The following CFAP299 variants were observed in gnomAD, a reference collection of about 807,000 sequenced individuals.
CFAP299 encodes cilia and flagella associated protein 299, also known as cilia- and flagella-associated protein 299.
Under a neutral mutation model 27.0 loss-of-function variants are expected in CFAP299, and 21 were observed. The ratio of observed to expected loss-of-function variants is 0.78; its 90% CI spans 0.55 to 1.12. The LOEUF is 1.12. Ranked by LOEUF, CFAP299 falls within the 50% of genes most tolerant of loss-of-function variation. The probability of loss-of-function intolerance (pLI) is 0.00; values close to 1 mark genes in which losing one functional copy is unlikely to be tolerated. For missense variants in CFAP299, 310 were observed against 276.6 expected, an observed-to-expected ratio of 1.12 and a Z score of -0.86; for synonymous variants, 104 against 98.1, an observed-to-expected ratio of 1.06 and a Z score of -0.36.
At chr4:80,609,632 A>G (rs1737861335) in intron 3 of CFAP299, among the ~76,000 whole-genome samples, 1 of 152,004 alleles carries the variant, frequency 6.6e-6, no homozygotes, top group South Asian at 2.1e-4. Context: ...TAATAATGGA[A>G]CATATGATTT....
chr4:80,924,527 T>C (rs1378239677), intron 4 of CFAP299, among the ~76,000 whole-genome samples: 3 of 140,324 alleles, frequency 2.1e-5, no homozygotes, highest in African/African-American at 8.4e-5. Flanking sequence ...TGTGTGTGTG[T>C]GTGTGTGTGT....
chr4:80,912,679 G>A (rs1735539385), intron 4 of CFAP299, among the ~76,000 whole-genome samples: 1 of 152,200 alleles, frequency 6.6e-6, no homozygotes, highest in South Asian at 2.1e-4. Context: ...TGAACCCAGA[G>A]TTCTGTGTCT....
chr4:80,942,003 G>T (rs561868914), intron 4 of CFAP299, among the ~76,000 whole-genome samples: 1 of 152,246 alleles, frequency 6.6e-6, no homozygotes, highest in African/African-American at 2.4e-5. Flanking sequence ...AAGGGACACA[G>T]ATCCAAACCA....
At chr4:80,439,738 T>C (rs547097437) in intron 2 of CFAP299, among the ~76,000 whole-genome samples, 20 of 152,276 alleles carry the variant, frequency 1.3e-4, no homozygotes, top group Admixed American at 3.9e-4. Flanking sequence ...GGGAGCCAAG[T>C]GGTCTTGTTC....
chr4:80,701,759 C>T (rs930044220), intron 3 of CFAP299, among the ~76,000 whole-genome samples: 3 of 151,872 alleles, frequency 2.0e-5, no homozygotes, highest in Non-Finnish European at 2.9e-5. Context: ...GGAAAAAAAT[C>T]CCTATTGATT....
intron 4 of CFAP299, among the ~76,000 whole-genome samples, chr4:80,896,647 T>C (rs1263413380): frequency 2.0e-5 from 3 of 152,168 alleles, no homozygotes; most frequent in Non-Finnish European, 4.4e-5. Flanking sequence ...AATTGAATGA[T>C]AGTTTTTCTC....
chr4:80,558,956 A>G (rs1734913224), intron 2 of CFAP299, among the ~76,000 whole-genome samples: 1 of 152,156 alleles, frequency 6.6e-6, no homozygotes. Context: ...AATCATTTCT[A>G]TTTTGGTTAT....
At chr4:80,389,138 G>T (rs1341764210) in intron 2 of CFAP299, among the ~76,000 whole-genome samples, 1 of 152,088 alleles carries the variant, frequency 6.6e-6, no homozygotes, top group Non-Finnish European at 1.5e-5. Flanking sequence ...TTATGCCTGG[G>T]ATAAGCTCAA....
chr4:80,669,195 CT>C (rs1560688192), intron 3 of CFAP299, among the ~76,000 whole-genome samples: 1 of 89,216 alleles, frequency 1.1e-5, no homozygotes, highest in Non-Finnish European at 1.9e-5. Flanking sequence ...AAGTCTTACT[CT>C]GTTGGCCAGG....
At position 80,583,106 on chromosome 4, in the gene CFAP299, G is replaced by T; in HGVS notation, c.256G>T (p.Ala86Ser). 1 of 1,601,352 alleles carries T rather than the reference G, an allele frequency of 6.2e-7. No homozygotes were observed. The change falls in exon 3 of 6, where the codon GCT becomes TCT. Residue 86 changes from alanine (A) to serine (S), a missense_variant. Transcript: ENST00000358105. ...TGCCTTTTACAGGACGCTAACAAGT[G>T]CTGGTAAAGACCTACAAGATAATTT... Reference protein sequence around the residue: ...ERAQQKTLTSAGKDLQDNFLT... With the variant: ...ERAQQKTLTSSGKDLQDNFLT...
intron 2 of CFAP299, among the ~76,000 whole-genome samples, chr4:80,450,354 G>T (rs1030378330): frequency 7.2e-5 from 11 of 152,128 alleles, no homozygotes; most frequent in African/African-American, 2.7e-4. Flanking sequence ...AATACATCAA[G>T]AAGTTTTCAT....
intron 3 of CFAP299, among the ~76,000 whole-genome samples, chr4:80,721,086 TG>T (rs1009011207): frequency 1.3e-5 from 2 of 151,970 alleles, no homozygotes; most frequent in African/African-American, 4.8e-5. Context: ...ATAAAGAAAA[TG>T]TATACAGTAT....
chr4:80,533,702 C>G (rs997095897), intron 2 of CFAP299, among the ~76,000 whole-genome samples: 1 of 152,038 alleles, frequency 6.6e-6, no homozygotes, highest in Non-Finnish European at 1.5e-5. Flanking sequence ...ATATTAAAAG[C>G]CTTTTAATGC....
At position 80,870,072 on chromosome 4, in the gene CFAP299, C is replaced by G; in HGVS notation, c.413C>G (p.Thr138Arg). ...GYIDYAHRLK[T>R]EDFEVYFTGK... ...ATCGACTATGCCCACAGGCTAAAGA[C>G]GGAAGATTTTGAAGTCTACTTTACT... Residue 138 changes from threonine to arginine, a missense_variant, in exon 4 of 6, where the codon ACG becomes AGG. Physicochemically the swap from Thr to Arg is moderately conservative, Grantham distance 71. Transcript: ENST00000358105. 1 of 1,613,546 alleles carries G rather than the reference C, an allele frequency of 6.2e-7. No individual in the cohort carries two copies. Among genetic ancestry groups the G allele is most frequent in the Non-Finnish European group, 8.5e-7 (1 of 1,179,662 alleles).
chr4:80,463,244 G>T (rs1262964914), intron 2 of CFAP299, among the ~76,000 whole-genome samples: 2 of 151,758 alleles, frequency 1.3e-5, no homozygotes, highest in African/African-American at 2.4e-5. Flanking sequence ...CTCAAGAAGA[G>T]AAATACTTTA....
intron 2 of CFAP299, among the ~76,000 whole-genome samples, chr4:80,370,118 A>T (rs1380004418): frequency 1.3e-5 from 2 of 152,250 alleles, no homozygotes; most frequent in East Asian, 3.9e-4. Context: ...GGTGAAAGGG[A>T]AGCTGGCACT....
chr4:80,447,141 T>TTTTTTTTTTTTTTTTTTG (rs1560571682), intron 2 of CFAP299, among the ~76,000 whole-genome samples: 4 of 126,484 alleles, frequency 3.2e-5, no homozygotes, highest in African/African-American at 1.3e-4. Context: ...TTTTTTTTTT[T>TTTTTTTTTTTTTTTTTTG]TTTTTTTTTT....
At chr4:80,330,273 T>A in the CFAP299 span, among the ~76,000 whole-genome samples, 1 of 152,146 alleles carries the variant, frequency 6.6e-6, no homozygotes, top group East Asian at 1.9e-4. Context: ...CCTCCAGTCA[T>A]TTACTGCTGT....
chr4:80,882,660 A>G (rs187483248), intron 4 of CFAP299, among the ~76,000 whole-genome samples: 1 of 152,284 alleles, frequency 6.6e-6, no homozygotes, highest in Admixed American at 6.5e-5. Flanking sequence ...TTGAAAAAAA[A>G]AGTGGTAAGT....
Sources: allele counts gnomAD v4.1 joint callset (sites outside exome capture counted in the v4.1 genomes callset), GRCh38; gene constraint gnomAD v4.1.1; transcripts MANE v1.5; gene names NCBI Gene and HGNC (gene_info 2026-07-23, HGNC 2026-07-21).